The following TRAT1 variants were observed in gnomAD, a reference collection of about 807,000 sequenced individuals.
The protein encoded by TRAT1 is T-cell receptor-associated transmembrane adapter 1.
In TRAT1, 20 loss-of-function variants were observed where a neutral mutation model predicts 20.0. That is an observed-to-expected ratio of 1.00 (90% CI 0.70 to 1.45). The LOEUF (loss-of-function observed/expected upper bound fraction) is 1.45. TRAT1 is among the 40% of genes most tolerant of loss of function. TRAT1 has a pLI of 0.00. For missense variants in TRAT1, 237 were observed against 224.1 expected (o/e 1.06, Z -0.37); for synonymous variants, 77 against 74.2 (o/e 1.04, Z -0.20).
At chr3:108,827,043 G>A (rs1331742665) in intron 1 of TRAT1, among the ~76,000 whole-genome samples, 1 of 152,172 alleles carries the variant, frequency 6.6e-6, no homozygotes, top group Non-Finnish European at 1.5e-5. Flanking sequence ...TTAGCCCCTG[G>A]TAGTTGGAAG....
At chr3:108,827,384 ATGTGTGTGTGTGTGTG>A (rs71103493) in intron 1 of TRAT1, among the ~76,000 whole-genome samples, 1 of 145,114 alleles carries the variant, frequency 6.9e-6, no homozygotes, top group African/African-American at 2.6e-5. Flanking sequence ...GTATGTGTGT[ATGTGTGTGTGTGTGTG>A]TGTGTGTGTG....
intron 3 of TRAT1, among the ~76,000 whole-genome samples, chr3:108,846,388 C>G (rs1034729389): frequency 3.3e-5 from 5 of 152,154 alleles, no homozygotes; most frequent in Admixed American, 3.3e-4. Flanking sequence ...TCAGGGTTCT[C>G]CCCTGTAAAG....
intron 3 of TRAT1, among the ~76,000 whole-genome samples, chr3:108,840,088 G>C (rs565102264): frequency 1.3e-5 from 2 of 151,892 alleles, no homozygotes; most frequent in Admixed American, 6.6e-5. Flanking sequence ...AAGCCTTTTT[G>C]GTCTCTTTAA....
At chr3:108,849,820 G>A (rs983265791) in intron 5 of TRAT1, among the ~76,000 whole-genome samples, 22 of 152,128 alleles carry the variant, frequency 1.4e-4, no homozygotes, top group African/African-American at 5.3e-4. Flanking sequence ...AAAAATACAG[G>A]AAGAAATGGA....
intron 2 of TRAT1, among the ~76,000 whole-genome samples, chr3:108,836,744 T>C (rs1033751961): frequency 1.3e-5 from 2 of 152,250 alleles, no homozygotes; most frequent in Non-Finnish European, 2.9e-5. Flanking sequence ...GTAGGCATTA[T>C]TGTCCCTACT....
Position 108,849,192 on chromosome 3 carries a change from C to T in TRAT1, c.241C>T (p.Gln81Ter), listed in dbSNP as rs1422414261. ...SEPMDENCYE[Q>*]MKARPEKSVN... ...ACCAATGGATGAAAATTGCTATGAA[C>T]AAATGAAAGCCCGACCAGAGAAATC... Residue 81 changes from glutamine to a stop codon, truncating the protein, a stop_gained, in exon 5 of 6, where the codon CAA (glutamine) becomes TAA (stop). Transcript: ENST00000295756. LOFTEE classifies it high-confidence loss of function. 2 of 1,613,942 alleles carry T rather than the reference C, an allele frequency of 1.2e-6. No individual in the cohort carries two copies. The highest frequency in any genetic ancestry group is 8.5e-7 in the Non-Finnish European group (1 of 1,179,924).
intron 3 of TRAT1, 77 bp from the exon 4 acceptor site, chr3:108,846,991 G>T: frequency 2.0e-6 from 2 of 1,004,154 alleles, no homozygotes; most frequent in East Asian, 2.5e-5. Flanking sequence ...ACTTAATATT[G>T]AATTTAGCTG....
intron 2 of TRAT1, among the ~76,000 whole-genome samples, chr3:108,837,573 A>T (rs914643785): frequency 2.6e-5 from 4 of 152,206 alleles, no homozygotes; most frequent in African/African-American, 7.2e-5. Context: ...CTAGTTCCTT[A>T]CTAATATAGA....
chr3:108,844,842 T>TTA (rs1945926363), intron 3 of TRAT1, among the ~76,000 whole-genome samples: 1 of 30,800 alleles, frequency 3.2e-5, no homozygotes, highest in Admixed American at 3.6e-4. Context: ...AGACTCTGTC[T>TTA]CAAAAAAAAA....
intron 5 of TRAT1, among the ~76,000 whole-genome samples, chr3:108,850,586 G>A (rs2107516398): frequency 6.6e-6 from 1 of 152,320 alleles, no homozygotes; most frequent in East Asian, 1.9e-4. Context: ...TTACAGGCAT[G>A]AGCCATCGTG....
chr3:108,826,631 CAT>C (rs1228274507), intron 1 of TRAT1, among the ~76,000 whole-genome samples: 4 of 152,060 alleles, frequency 2.6e-5, no homozygotes, highest in African/African-American at 9.7e-5. Flanking sequence ...TAAGTAGACT[CAT>C]GGGGATCATA....
Position 108,849,254 on chromosome 3 carries a change from G to T in TRAT1, c.303G>T (p.Gln101His). 1 of 1,612,718 alleles carries T rather than the reference G, an allele frequency of 6.2e-7. No homozygotes were observed. ...NKMQEATPSAQATNETQMCYA... is the reference protein window; with the variant it reads ...NKMQEATPSAHATNETQMCYA... ...TGCAGGAAGCCACCCCATCTGCACA[G>T]GTGAGTTTTGTTTTCTGTTTCCACA... The change falls in exon 5 of 6, where the codon CAG (glutamine) becomes CAT (histidine). Residue 101 changes from glutamine (Q) to histidine (H), a missense_variant and splice_region_variant. Gln to His is a conservative substitution (Grantham distance 24, BLOSUM62 0). Coordinates refer to ENST00000295756, the MANE Select transcript of TRAT1 (RefSeq NM_016388.4).
At chr3:108,844,825 CAGAG>C (rs1945925887) in intron 3 of TRAT1, among the ~76,000 whole-genome samples, 1 of 104,580 alleles carries the variant, frequency 9.6e-6, no homozygotes, top group Non-Finnish European at 1.7e-5. Flanking sequence ...GCCTGGGTGA[CAGAG>C]AGAGACTCTG....
At chr3:108,829,266 T>C (rs1001189769) in intron 1 of TRAT1, among the ~76,000 whole-genome samples, 1 of 152,124 alleles carries the variant, frequency 6.6e-6, no homozygotes, top group African/African-American at 2.4e-5. Flanking sequence ...CACTGTACAA[T>C]GTACAGTCAT....
intron 5 of TRAT1, among the ~76,000 whole-genome samples, chr3:108,850,443 T>C (rs538508717): frequency 4.3e-4 from 66 of 152,234 alleles, no homozygotes; most frequent in Non-Finnish European, 6.9e-4. Flanking sequence ...TAGCTGGGAT[T>C]ACAGGTGCCT....
At chr3:108,829,132 T>C (rs911466027) in intron 1 of TRAT1, among the ~76,000 whole-genome samples, 2 of 152,234 alleles carry the variant, frequency 1.3e-5, no homozygotes, top group Non-Finnish European at 2.9e-5. Context: ...AAATGATTAC[T>C]GCATCCATTA....
At chr3:108,843,894 C>G (rs1305334697) in intron 3 of TRAT1, among the ~76,000 whole-genome samples, 1 of 152,168 alleles carries the variant, frequency 6.6e-6, no homozygotes, top group Non-Finnish European at 1.5e-5. Flanking sequence ...ACCAGCAGCC[C>G]CTTCTCCTTT....
chr3:108,853,815 AT>A lies in TRAT1; in HGVS notation c.501del (p.His168MetfsTer10), dbSNP rs748390796. 1 of 1,614,156 alleles carries A rather than the reference AT, an allele frequency of 6.2e-7. No homozygotes were observed. Among genetic ancestry groups the A allele is most frequent in the East Asian group, 2.2e-5 (1 of 44,882 alleles). ...SPESQAVEEN[I>X]HDDPIRLFGL... ...AGAAAGCCAGGCAGTAGAGGAAAAC[AT>A]TCATGATGATCCCATCAGACTGTTT... On this transcript the variant is annotated frameshift_variant, in exon 6 of 6. Transcript: ENST00000295756. LOFTEE classifies it high-confidence loss of function.
chr3:108,840,041 A>G (rs759916386), intron 3 of TRAT1, among the ~76,000 whole-genome samples: 3 of 152,150 alleles, frequency 2.0e-5, no homozygotes, highest in Non-Finnish European at 4.4e-5. Flanking sequence ...GGTCTTTGAA[A>G]AACACAGAGC....
Sources: allele counts gnomAD v4.1 joint callset (sites outside exome capture counted in the v4.1 genomes callset), GRCh38; gene constraint gnomAD v4.1.1; transcripts MANE v1.5; gene names NCBI Gene and HGNC (gene_info 2026-07-23, HGNC 2026-07-21).